The following SCAF4 variants were observed in gnomAD, a reference collection of about 807,000 sequenced individuals.
SCAF4 encodes SR-related and CTD-associated factor 4.
A neutral mutation model predicts 129.8 loss-of-function variants in SCAF4; 25 were observed. The ratio of observed to expected loss-of-function variants is 0.19; its 90% CI spans 0.14 to 0.27. The LOEUF is 0.27. Among genes scored for constraint, SCAF4 ranks in the 10% least tolerant of loss-of-function variants. SCAF4 has a pLI of 1.00. For synonymous variants in SCAF4, 551 were observed against 497.7 expected (o/e 1.11, Z -1.43); for missense variants, 1,246 against 1,457.1 (o/e 0.86, Z 2.36).
At position 31,672,128 on chromosome 21, in the gene SCAF4, C is replaced by A. The variant is rs1326108392; in HGVS notation, c.2715G>T (p.Met905Ile). Residue 905 changes from methionine (M) to isoleucine (I), a missense_variant, in exon 20 of 20, where the codon ATG becomes ATT. Physicochemically the swap from Met to Ile is conservative, Grantham distance 10. Around this residue, in one of 6 missense-constraint regions of SCAF4, gnomAD observed 339 missense variants for 325.0 expected, o/e 1.04. Coordinates refer to ENST00000286835, the MANE Select transcript of SCAF4 (RefSeq NM_020706.2). ...GGCCATGCGGTGGGAAGGGACCTTT[C>A]ATTCCATGAGGTGGAGGCATCGCAA... ...GGFAMPPPHG[M>I]KGPFPPHGPF... is the part of the protein sequence containing the mutation. The A allele has an allele frequency of 1.9e-6, 3 of 1,609,560 alleles. No homozygotes were observed. Among genetic ancestry groups the A allele is most frequent in the Non-Finnish European group, 2.5e-6 (3 of 1,176,694 alleles).
intron 1 of SCAF4, among the ~76,000 whole-genome samples, chr21:31,714,831 A>C (rs1180973864): frequency 6.6e-6 from 1 of 152,236 alleles, no homozygotes; most frequent in Non-Finnish European, 1.5e-5. Context: ...CTCTTAGCCC[A>C]GTACCTAACA....
chr21:31,712,645 C>T (rs942475404), intron 1 of SCAF4, among the ~76,000 whole-genome samples: 2 of 151,704 alleles, frequency 1.3e-5, no homozygotes, highest in African/African-American at 4.8e-5. Flanking sequence ...TCTCCTGCCT[C>T]AGCCTCCCGA....
intron 1 of SCAF4, chr21:31,712,992 T>A: frequency 3.0e-6 from 1 of 332,806 alleles, no homozygotes; most frequent in African/African-American, 2.2e-5. Context: ...TTCTCTTAAT[T>A]AAAAATCAAT....
intron 1 of SCAF4, among the ~76,000 whole-genome samples, chr21:31,714,348 A>C (rs1048083277): frequency 1.3e-5 from 2 of 152,162 alleles, no homozygotes; most frequent in Non-Finnish European, 2.9e-5. Context: ...CCTGCATAAA[A>C]ATAACAACAG....
At position 31,671,277 on chromosome 21, in the gene SCAF4, C is replaced by T; in HGVS notation, c.*122G>A. The T allele has an allele frequency of 1.9e-6, 2 of 1,072,522 alleles. No individual in the cohort carries two copies. Among genetic ancestry groups the T allele is most frequent in the South Asian group, 4.4e-5 (2 of 45,538 alleles). The allele number at this position is 1,072,522 out of a possible 1,614,324, so 66.4% of individuals were successfully genotyped here. A position where few individuals can be genotyped will look rare whatever the true frequency, so the allele number is the denominator to read the frequency against. On this transcript the variant is annotated 3_prime_UTR_variant, in exon 20 of 20. Transcript: ENST00000286835. ...AGAAGGGAAGCAATCAAATTGCTTA[C>T]AGTTCCCCACCAGCTGGCGCGGGGC... is the stretch of plus-strand genomic sequence containing the variant.
rs1188474187 is a variant in SCAF4 at position 31,685,719 on chromosome 21, T to C, written c.2058A>G (p.Gln686=). 4 of 1,600,882 alleles carry C rather than the reference T, an allele frequency of 2.5e-6. No homozygotes were observed. The highest frequency in any genetic ancestry group is 3.4e-6 in the Non-Finnish European group (4 of 1,174,618). ...GAGCACCAACTACAGGTGGACCCGG[T>C]TGATGTGGTGGGACCTAGAAAGAAA... The part of the protein sequence containing the change: ...TVPPPQVPPH[Q]PGPPVVGALQ... Residue 686 remains glutamine (Q), a synonymous_variant, in exon 17 of 20, where the codon CAA becomes CAG. Coordinates refer to ENST00000286835, the MANE Select transcript of SCAF4 (RefSeq NM_020706.2).
intron 3 of SCAF4, 107 bp downstream of exon 3, chr21:31,705,296 TTAAAAAGAACCTCTAGTGAC>T: frequency 6.1e-6 from 3 of 493,216 alleles, no homozygotes; most frequent in Non-Finnish European, 1.1e-5. Context: ...CTTCTAGTGA[TTAAAAAGAACCTCTAGTGAC>T]TAAATTTTTA....
At chr21:31,723,749 C>T (rs1045718576) in intron 1 of SCAF4, among the ~76,000 whole-genome samples, 4 of 152,052 alleles carry the variant, frequency 2.6e-5, no homozygotes, top group Admixed American at 2.6e-4. Context: ...TTAAAAAAAT[C>T]TGCTCTGGAT....
At chr21:31,723,991 T>C (rs1393185255) in intron 1 of SCAF4, among the ~76,000 whole-genome samples, 1 of 152,234 alleles carries the variant, frequency 6.6e-6, no homozygotes, top group Admixed American at 6.5e-5. Flanking sequence ...GTTTTCTTCC[T>C]GAATTTACTA....
intron 1 of SCAF4, among the ~76,000 whole-genome samples, chr21:31,710,934 C>T (rs1464685605): frequency 6.6e-6 from 1 of 152,112 alleles, no homozygotes; most frequent in Non-Finnish European, 1.5e-5. Flanking sequence ...GGAGACAGGA[C>T]CATGTTTCAA....
At chr21:31,679,519 G>A (rs565399916) in intron 19 of SCAF4, among the ~76,000 whole-genome samples, 138 of 152,042 alleles carry the variant, frequency 9.1e-4, no homozygotes, top group Non-Finnish European at 1.0e-3. Context: ...TGAGAGCTGC[G>A]GAAAATGGAA....
intron 19 of SCAF4, among the ~76,000 whole-genome samples, chr21:31,675,314 G>A (rs1381425079): frequency 2.6e-5 from 4 of 152,154 alleles, no homozygotes; most frequent in Admixed American, 2.6e-4. Flanking sequence ...TTCTATGATT[G>A]TTTTTGATAG....
At chr21:31,688,528 A>AATGAAAAATGT in intron 15 of SCAF4, 64 bp from the exon 16 acceptor site, 1 of 1,365,892 alleles carries the variant, frequency 7.3e-7, no homozygotes, top group East Asian at 2.3e-5. Flanking sequence ...TAAATCTAGA[A>AATGAAAAATGT]ATGAAAAATG....
In SCAF4 at chr21:31,685,120, C is replaced by T; in HGVS notation, c.2417G>A (p.Gly806Asp). The T allele has an allele frequency of 6.2e-7, 1 of 1,613,106 alleles. No individual in the cohort carries two copies. The highest frequency in any genetic ancestry group is 8.5e-7 in the Non-Finnish European group (1 of 1,179,794). ...GGGTGCAGCAGGTGGCACGGCAGAG[C>T]CATACATTTTCACGCTGTCACCAGA... Reference protein sequence around the residue: ...AESGDSVKMYGSAVPPAAPTN... With the variant: ...AESGDSVKMYDSAVPPAAPTN... The change falls in exon 19 of 20, where the codon GGC (glycine) becomes GAC (aspartate). Residue 806 changes from glycine to aspartate, a missense_variant. Gly to Asp is a moderately conservative substitution (Grantham distance 94, BLOSUM62 -1). This residue lies in a region of SCAF4 where 468 missense variants were observed against 605.5 expected (regional missense o/e 0.77). Transcript: ENST00000286835.
Position 31,685,052 on chromosome 21 carries a change from G to A in SCAF4, c.2485C>T (p.Leu829Phe), listed in dbSNP as rs779022130. 6.3e-7 allele frequency: 1 copy of A among 1,590,840 alleles called. No homozygotes were observed. Among genetic ancestry groups the A allele is most frequent in the East Asian group, 2.2e-5 (1 of 44,620 alleles). Residue 829 changes from leucine to phenylalanine, a missense_variant, in exon 19 of 20, where the codon CTT becomes TTT. Physicochemically the swap from Leu to Phe is conservative, Grantham distance 22. Transcript: ENST00000286835. ...ATGATAAAAAAAAATAACTTACCAA[G>A]AAGTGAAACAGGCTGGGTTACAGGA... is the stretch of plus-strand genomic sequence containing the variant. The part of the protein sequence containing the change: ...TPPVTQPVSL[L>F]GTQGVAPGPV...
chr21:31,691,116 C>T (rs747461252), intron 14 of SCAF4, among the ~76,000 whole-genome samples, 163 bp from the exon 15 acceptor site: 3 of 152,232 alleles, frequency 2.0e-5, no homozygotes, highest in Non-Finnish European at 2.9e-5. Flanking sequence ...CACTACAGAA[C>T]TGGTTACCCT....
chr21:31,721,003 C>T (rs921884328), intron 1 of SCAF4, among the ~76,000 whole-genome samples: 2 of 152,198 alleles, frequency 1.3e-5, no homozygotes, highest in African/African-American at 4.8e-5. Flanking sequence ...ATATAAATCA[C>T]ATACCATAAA....
intron 19 of SCAF4, among the ~76,000 whole-genome samples, chr21:31,683,270 G>A (rs1409821573): frequency 6.6e-6 from 1 of 152,138 alleles, no homozygotes; most frequent in Non-Finnish European, 1.5e-5. Flanking sequence ...GATGATAAAC[G>A]CTACGACTGA....
chr21:31,730,829 T>C (rs1164750684), intron 1 of SCAF4, among the ~76,000 whole-genome samples: 1 of 152,222 alleles, frequency 6.6e-6, no homozygotes, highest in African/African-American at 2.4e-5. Flanking sequence ...GGCAGCTTTG[T>C]TCCCAGTTTG....
Sources: gnomAD v4.1 joint callset for allele counts (sites outside exome capture counted in the v4.1 genomes callset) on GRCh38, gnomAD v4.1.1 for gene constraint, gnomAD v4.1.1 regional missense constraint, MANE v1.5 for transcripts, NCBI Gene and HGNC (gene_info 2026-07-23, HGNC 2026-07-21) for gene names.